Variants in KCNU1 observed in about 807,000 individuals in gnomAD.
The protein encoded by KCNU1 is potassium channel subfamily U member 1.
A neutral mutation model predicts 126.8 loss-of-function variants in KCNU1; 93 were observed. The observed-to-expected ratio is 0.73, with a 90% CI of 0.62 to 0.87. The LOEUF is 0.87. Ranked by LOEUF, KCNU1 falls within the 40% of genes least tolerant of loss-of-function variation. KCNU1 has a pLI of 0.00. For missense variants in KCNU1, 1,330 were observed against 1,367.1 expected, an observed-to-expected ratio of 0.97 and a Z score of 0.43; for synonymous variants, 523 against 494.2, an observed-to-expected ratio of 1.06 and a Z score of -0.77.
At chr8:36,795,345 G>A (rs1437341834) in intron 2 of KCNU1, 1 of 152,446 alleles carries the variant, frequency 6.6e-6, no homozygotes, top group Non-Finnish European at 1.5e-5. Flanking sequence ...CAGATACCCA[G>A]CAGCTCTAGC....
chr8:36,805,490 C>T (rs1803464931), intron 4 of KCNU1, among the ~76,000 whole-genome samples: 1 of 152,162 alleles, frequency 6.6e-6, no homozygotes, highest in African/African-American at 2.4e-5. Flanking sequence ...AAAGTTCCAA[C>T]ACAACACGAA....
intron 2 of KCNU1, 72 bp downstream of exon 2, chr8:36,787,497 A>G (rs1802750390): frequency 2.1e-6 from 3 of 1,434,632 alleles, no homozygotes; most frequent in Non-Finnish European, 2.8e-6. Flanking sequence ...GCACAAATCA[A>G]TTGATTCCCT....
At chr8:36,898,326 C>A (rs1807278015) in intron 19 of KCNU1, among the ~76,000 whole-genome samples, 1 of 152,016 alleles carries the variant, frequency 6.6e-6, no homozygotes, top group Admixed American at 6.6e-5. Flanking sequence ...GTGCACCTCA[C>A]ACCAGTAACA....
intron 24 of KCNU1, chr8:36,922,958 C>A (rs1174521369): frequency 2.0e-6 from 1 of 488,494 alleles, no homozygotes; most frequent in East Asian, 6.0e-5. Context: ...ACCACTTTCC[C>A]TTCTCTCTGA....
chr8:36,915,539 C>G (rs1585559430), intron 22 of KCNU1, among the ~76,000 whole-genome samples: 2 of 152,192 alleles, frequency 1.3e-5, no homozygotes, highest in African/African-American at 4.8e-5. Context: ...ATCGGATAAT[C>G]TCATTTCCTT....
intron 10 of KCNU1, among the ~76,000 whole-genome samples, chr8:36,820,751 ATCT>A (rs900466616): frequency 3.3e-5 from 5 of 152,152 alleles, no homozygotes; most frequent in Non-Finnish European, 7.4e-5. Flanking sequence ...TTAGGGTGCA[ATCT>A]ATAACATTTG....
intron 2 of KCNU1, among the ~76,000 whole-genome samples, chr8:36,799,130 A>C (rs551009926): frequency 1.3e-5 from 2 of 152,280 alleles, no homozygotes; most frequent in East Asian, 3.9e-4. Context: ...TGCTTAATAA[A>C]TTTTTAAAAT....
rs778093028 is a variant in KCNU1, at chr8:36,784,527, C to T, written c.117C>T (p.Leu39=). 3.1e-6 allele frequency: 5 copies of T among 1,613,574 alleles called. No homozygotes were observed. Among genetic ancestry groups the T allele is most frequent in the Non-Finnish European group, 4.2e-6 (5 of 1,179,636 alleles). Residue 39 remains leucine (L), a synonymous_variant, in exon 1 of 27, where the codon CTC becomes CTT. Coordinates refer to ENST00000399881, the MANE Select transcript of KCNU1 (RefSeq NM_001031836.3). ...CCTTTGTGACCTTCTTCAGTGGACT[C>T]ATCATCCTGTTGATCTTCAGGCTGA... ...LSSFVTFFSG[L]IILLIFRLIW... is the part of the protein sequence containing the mutation.
At chr8:36,870,922 C>T (rs1806078824) in intron 19 of KCNU1, among the ~76,000 whole-genome samples, 2 of 152,104 alleles carry the variant, frequency 1.3e-5, no homozygotes, top group Non-Finnish European at 2.9e-5. Context: ...CCCATTGGCA[C>T]TTATGTTTCC....
chr8:36,930,926 C>A, intron 24 of KCNU1, 25 bp from the exon 25 acceptor site: 7 of 1,560,814 alleles, frequency 4.5e-6, no homozygotes, highest in African/African-American at 1.4e-5. Context: ...TCTGACTTTG[C>A]ATGTGGCTTG....
In KCNU1 at chr8:36,936,029, C is replaced by A; in HGVS notation, c.*109C>A. ...AATGGAAGCATGCCATTTTTCTGCC[C>A]ATTGCTTAGTGGTTCATGAAGGCCA... On this transcript the variant is annotated 3_prime_UTR_variant, in exon 27 of 27. Coordinates refer to ENST00000399881, the MANE Select transcript of KCNU1 (RefSeq NM_001031836.3). The A allele has an allele frequency of 3.9e-6, 4 of 1,028,296 alleles. No individual in the cohort carries two copies. The highest frequency in any genetic ancestry group is 5.6e-6 in the Non-Finnish European group (4 of 715,726). The allele number at this position is 1,028,296 out of a possible 1,614,324, so 63.7% of individuals were successfully genotyped here. A position where few individuals can be genotyped will look rare whatever the true frequency, so the allele number is the denominator to read the frequency against.
chr8:36,875,807 C>A (rs1335051713), intron 19 of KCNU1, among the ~76,000 whole-genome samples: 4 of 152,110 alleles, frequency 2.6e-5, no homozygotes, highest in Non-Finnish European at 5.9e-5. Flanking sequence ...TCAGTCAAGC[C>A]TGGTGCCTGG....
chr8:36,890,088 C>T (rs1055884102), intron 19 of KCNU1, among the ~76,000 whole-genome samples: 5 of 151,988 alleles, frequency 3.3e-5, no homozygotes, highest in African/African-American at 1.2e-4. Context: ...AGGAAACAGG[C>T]AGACTTCCTC....
intron 7 of KCNU1, among the ~76,000 whole-genome samples, chr8:36,813,670 T>TAAA (rs147980321): frequency 6.6e-6 from 1 of 151,174 alleles, no homozygotes; most frequent in African/African-American, 2.4e-5. Context: ...AAAGGTTTTT[T>TAAA]TAAAAAAAAA....
chr8:36,887,277 C>A (rs1057119045), intron 19 of KCNU1, among the ~76,000 whole-genome samples: 1 of 152,094 alleles, frequency 6.6e-6, no homozygotes, highest in African/African-American at 2.4e-5. Context: ...CGTGTAGAAG[C>A]ATTCCCTTTT....
intron 13 of KCNU1, 61 bp from the exon 14 acceptor site, chr8:36,836,732 C>T: frequency 1.4e-6 from 2 of 1,444,790 alleles, no homozygotes; most frequent in Non-Finnish European, 1.9e-6. Flanking sequence ...CATCCATCCT[C>T]AAGAGCTTTC....
At chr8:36,881,127 A>G (rs533073258) in intron 19 of KCNU1, among the ~76,000 whole-genome samples, 1 of 152,346 alleles carries the variant, frequency 6.6e-6, no homozygotes, top group African/African-American at 2.4e-5. Context: ...CGCCACTGAC[A>G]AGACCGGGCA....
chr8:36,809,606 C>A (rs1283017091), intron 7 of KCNU1, among the ~76,000 whole-genome samples: 3 of 152,160 alleles, frequency 2.0e-5, no homozygotes, highest in Non-Finnish European at 4.4e-5. Flanking sequence ...TCTACATCCT[C>A]CTCAGCACTC....
At chr8:36,906,540 A>G (rs1173715071) in intron 20 of KCNU1, among the ~76,000 whole-genome samples, 1 of 152,190 alleles carries the variant, frequency 6.6e-6, no homozygotes, top group African/African-American at 2.4e-5. Flanking sequence ...TACAAGTAGT[A>G]GCTGATAAAT....
Sources: allele counts gnomAD v4.1 joint callset (sites outside exome capture counted in the v4.1 genomes callset), GRCh38; gene constraint gnomAD v4.1.1; transcripts MANE v1.5; gene names NCBI Gene and HGNC (gene_info 2026-07-23, HGNC 2026-07-21).